The following TNRC6B variants were observed in gnomAD, a reference collection of about 807,000 sequenced individuals.
TNRC6B encodes the protein trinucleotide repeat-containing gene 6B protein.
A neutral mutation model predicts 203.6 loss-of-function variants in TNRC6B; 52 were observed. The observed-to-expected ratio is 0.26, with a 90% CI of 0.20 to 0.32. The LOEUF is 0.32. TNRC6B is among the 10% of genes least tolerant of loss of function. TNRC6B has a pLI of 1.00. For synonymous variants in TNRC6B, 838 were observed against 845.7 expected (o/e 0.99, Z 0.16); for missense variants, 1,923 against 2,286.2 (o/e 0.84, Z 3.24).
At chr22:40,103,884 C>G (rs1015420986) in intron 1 of TNRC6B, among the ~76,000 whole-genome samples, 18 of 151,528 alleles carry the variant, frequency 1.2e-4, no homozygotes, top group Admixed American at 3.3e-4. Context: ...CTCACGTGAT[C>G]TGCCCACCTT....
At chr22:40,279,838 C>T (rs1376720916) in intron 9 of TNRC6B, among the ~76,000 whole-genome samples, 157 bp from the exon 10 acceptor site, 1 of 152,110 alleles carries the variant, frequency 6.6e-6, no homozygotes, top group African/African-American at 2.4e-5. Flanking sequence ...CACCAGCAGC[C>T]TGGACCAATG....
intron 1 of TNRC6B, among the ~76,000 whole-genome samples, chr22:40,097,959 G>C (rs2068198697): frequency 6.6e-6 from 1 of 152,018 alleles, no homozygotes; most frequent in Non-Finnish European, 1.5e-5. Flanking sequence ...GACTACAGGT[G>C]TATGCCACCA....
At chr22:40,145,832 CTT>C (rs1010395681) in intron 3 of TNRC6B, among the ~76,000 whole-genome samples, 5 of 134,790 alleles carry the variant, frequency 3.7e-5, no homozygotes, top group African/African-American at 6.9e-5. Context: ...CAGAGCGAGA[CTT>C]TGTCTCAAAA....
chr22:40,221,993 G>A (rs1423166376), intron 1 of TNRC6B, among the ~76,000 whole-genome samples: 1 of 152,060 alleles, frequency 6.6e-6, no homozygotes, highest in Non-Finnish European at 1.5e-5. Flanking sequence ...ACTTTAAAAT[G>A]TACCAGAAGG....
chr22:40,285,690 G>A lies in TNRC6B; in HGVS notation c.3628G>A (p.Gly1210Ser), dbSNP rs983922730. ...LFGNSTAQSR[G>S]LHTPVQPLNS... ...TGGAAACAGCACAGCACAATCGAGA[G>A]GTCTGCACACACCCGTGCAGCCACT... The change falls in exon 12 of 23, where the codon GGT becomes AGT. Residue 1210 changes from glycine to serine, a missense_variant. Gly to Ser is a moderately conservative substitution (Grantham distance 56, BLOSUM62 0). Coordinates refer to ENST00000454349, the MANE Select transcript of TNRC6B (RefSeq NM_001162501.2). The A allele has an allele frequency of 1.5e-5, 25 of 1,613,780 alleles. No individual in the cohort carries two copies. The highest frequency in any genetic ancestry group is 2.0e-5 in the Non-Finnish European group (24 of 1,179,864).
chr22:40,056,905 G>A (rs1382883651), intron 1 of TNRC6B, among the ~76,000 whole-genome samples: 1 of 152,138 alleles, frequency 6.6e-6, no homozygotes, highest in East Asian at 1.9e-4. Context: ...GATGGTAGCA[G>A]ATTTGATGGG....
chr22:40,185,984 G>A (rs974526591), intron 1 of TNRC6B, among the ~76,000 whole-genome samples: 3 of 152,168 alleles, frequency 2.0e-5, no homozygotes, highest in African/African-American at 7.2e-5. Flanking sequence ...CTTGGCAATG[G>A]AACTGGTTAG....
intron 2 of TNRC6B, among the ~76,000 whole-genome samples, chr22:40,121,921 A>G (rs1057461698): frequency 6.6e-6 from 1 of 152,244 alleles, no homozygotes; most frequent in African/African-American, 2.4e-5. Flanking sequence ...GCTAGTGTAT[A>G]ACTATAAAAA....
chr22:40,165,094 CTTTT>C (rs764182245), intron 4 of TNRC6B, among the ~76,000 whole-genome samples: 1 of 130,756 alleles, frequency 7.6e-6, no homozygotes, highest in African/African-American at 2.8e-5. Flanking sequence ...CCCCCCGGCT[CTTTT>C]TTTTTTTTTT....
chr22:40,138,529 G>A (rs748521157), intron 3 of TNRC6B, among the ~76,000 whole-genome samples: 1 of 152,144 alleles, frequency 6.6e-6, no homozygotes, highest in South Asian at 2.1e-4. Context: ...GCCTCCCAAA[G>A]TGCTGGGATT....
chr22:40,317,679 G>A (rs1001477557), intron 21 of TNRC6B, among the ~76,000 whole-genome samples: 1 of 152,138 alleles, frequency 6.6e-6, no homozygotes, highest in Non-Finnish European at 1.5e-5. Context: ...GACCATATCC[G>A]CTAGGTGGTT....
chr22:40,273,976 G>C (rs2070602026), intron 7 of TNRC6B, among the ~76,000 whole-genome samples: 1 of 152,120 alleles, frequency 6.6e-6, no homozygotes, highest in Admixed American at 6.6e-5. Context: ...TGAAAGGTGT[G>C]AGGCAACTGG....
intron 1 of TNRC6B, among the ~76,000 whole-genome samples, chr22:40,215,273 T>A (rs962255348): frequency 9.7e-6 from 1 of 102,910 alleles, no homozygotes; most frequent in Admixed American, 9.9e-5. Context: ...GGTGACAGTT[T>A]TGCTAGCTAC....
chr22:40,145,710 C>T (rs1440642920), intron 3 of TNRC6B, among the ~76,000 whole-genome samples: 3 of 152,056 alleles, frequency 2.0e-5, no homozygotes, highest in Middle Eastern at 3.2e-3. Flanking sequence ...GGTGTGGTGG[C>T]GCCCTCCTGT....
At chr22:40,208,607 G>A (rs2069517853) in intron 1 of TNRC6B, among the ~76,000 whole-genome samples, 1 of 152,202 alleles carries the variant, frequency 6.6e-6, no homozygotes, top group South Asian at 2.1e-4. Context: ...AAGTTAAGGG[G>A]AAGTTAACGC....
intron 1 of TNRC6B, among the ~76,000 whole-genome samples, chr22:40,052,155 AGGGGACCCCAAGATCAAAG>A (rs1339937284): frequency 6.6e-6 from 1 of 152,216 alleles, no homozygotes; most frequent in Non-Finnish European, 1.5e-5. Context: ...AAGAAACACA[AGGGGACCCCAAGATCAAAG>A]GGGGACCCTA....
At chr22:40,245,781 G>C (rs1415940142) in intron 1 of TNRC6B, among the ~76,000 whole-genome samples, 4 of 151,964 alleles carry the variant, frequency 2.6e-5, no homozygotes, top group African/African-American at 4.8e-5. Flanking sequence ...ACCTTAATAG[G>C]CTTCTTTGAA....
intron 12 of TNRC6B, among the ~76,000 whole-genome samples, chr22:40,298,820 G>A (rs913987867): frequency 2.9e-4 from 44 of 152,288 alleles, no homozygotes; most frequent in African/African-American, 1.0e-3. Flanking sequence ...CCAAAAATTA[G>A]CCGGGCGCAG....
intron 1 of TNRC6B, among the ~76,000 whole-genome samples, chr22:40,094,907 T>C (rs1434396784): frequency 6.6e-6 from 1 of 152,194 alleles, no homozygotes; most frequent in African/African-American, 2.4e-5. Flanking sequence ...CGTATGAGGC[T>C]GGATGTTGCT....
Sources: gnomAD v4.1 joint callset for allele counts (sites outside exome capture counted in the v4.1 genomes callset) on GRCh38, gnomAD v4.1.1 for gene constraint, MANE v1.5 for transcripts, NCBI Gene and HGNC (gene_info 2026-07-23, HGNC 2026-07-21) for gene names.